ALK: variants seen among roughly 807,000 people sequenced by gnomAD.
ALK encodes the protein ALK tyrosine kinase receptor.
In ALK, 74 loss-of-function variants were observed where a neutral mutation model predicts 163.1. The observed-to-expected ratio is 0.45, with a 90% CI of 0.38 to 0.55. ALK has a LOEUF of 0.55. ALK is among the 20% of genes least tolerant of loss of function. The pLI, the probability that ALK is intolerant of heterozygous loss-of-function variation, is 0.00. For missense variants in ALK, 2,063 were observed against 2,105.3 expected (o/e 0.98, Z 0.39); for synonymous variants, 960 against 843.2 (o/e 1.14, Z -2.40).
At chr2:29,239,331 G>T (rs1208563266) in intron 13 of ALK, among the ~76,000 whole-genome samples, 1 of 152,164 alleles carries the variant, frequency 6.6e-6, no homozygotes, top group Non-Finnish European at 1.5e-5. Flanking sequence ...GGAGCTGGGG[G>T]TCCTGGGTGC....
intron 3 of ALK, among the ~76,000 whole-genome samples, chr2:29,559,519 A>G (rs2148181590): frequency 6.6e-6 from 1 of 152,318 alleles, no homozygotes; most frequent in African/African-American, 2.4e-5. Flanking sequence ...AATATTTGCC[A>G]TCAACTCTTA....
At chr2:29,717,501 C>A (rs1169747813) in intron 2 of ALK, 77 bp downstream of exon 2, 9 of 1,573,134 alleles carry the variant, frequency 5.7e-6, no homozygotes, top group Non-Finnish European at 7.9e-6. Flanking sequence ...CACTATGAAT[C>A]CCAAACTGAA....
intron 1 of ALK, among the ~76,000 whole-genome samples, chr2:29,817,403 A>G (rs566347351): frequency 6.6e-6 from 1 of 152,338 alleles, no homozygotes; most frequent in African/African-American, 2.4e-5. Flanking sequence ...CGTGACTGCA[A>G]GATGGCATCT....
At chr2:29,798,704 C>T (rs886475534) in intron 1 of ALK, among the ~76,000 whole-genome samples, 1 of 152,192 alleles carries the variant, frequency 6.6e-6, no homozygotes, top group African/African-American at 2.4e-5. Flanking sequence ...ATGATAATAA[C>T]CCAAAGAACT....
chr2:29,591,203 C>A (rs1232147100), intron 3 of ALK, among the ~76,000 whole-genome samples: 1 of 151,818 alleles, frequency 6.6e-6, no homozygotes, highest in Non-Finnish European at 1.5e-5. Flanking sequence ...CAACACAGTA[C>A]CCCCATATTA....
At chr2:29,820,713 TCTGACC>T (rs766987325) in intron 1 of ALK, among the ~76,000 whole-genome samples, 1 of 152,216 alleles carries the variant, frequency 6.6e-6, no homozygotes, top group Non-Finnish European at 1.5e-5. Context: ...AAGTGCTGGG[TCTGACC>T]CTGGCTTTGC....
At chr2:29,335,065 G>A (rs35069081) in intron 5 of ALK, among the ~76,000 whole-genome samples, 1 of 152,320 alleles carries the variant, frequency 6.6e-6, no homozygotes, top group East Asian at 1.9e-4. Flanking sequence ...GCAGAGCAAC[G>A]AGGAAGGGCA....
intron 1 of ALK, among the ~76,000 whole-genome samples, chr2:29,816,431 CTTA>C (rs944449397): frequency 3.9e-5 from 6 of 151,946 alleles, no homozygotes; most frequent in African/African-American, 4.8e-5. Flanking sequence ...TCCAATAGAC[CTTA>C]TTATTATTAT....
intron 4 of ALK, among the ~76,000 whole-genome samples, chr2:29,475,395 C>G (rs1235089333): frequency 6.6e-6 from 1 of 152,202 alleles, no homozygotes; most frequent in Non-Finnish European, 1.5e-5. Flanking sequence ...GGTGAACTCT[C>G]CTGCCCAAGG....
chr2:29,729,612 T>G (rs1679679139), intron 1 of ALK, among the ~76,000 whole-genome samples: 1 of 151,898 alleles, frequency 6.6e-6, no homozygotes, highest in African/African-American at 2.4e-5. Flanking sequence ...AAAGAGGAAA[T>G]TCAATGGCCC....
chr2:29,560,870 C>A (rs1311521199), intron 3 of ALK, among the ~76,000 whole-genome samples: 2 of 152,020 alleles, frequency 1.3e-5, no homozygotes, highest in Non-Finnish European at 2.9e-5. Flanking sequence ...CGGCACCCGG[C>A]CCAACTCTGT....
At chr2:29,607,728 C>T (rs1233948747) in intron 3 of ALK, among the ~76,000 whole-genome samples, 1 of 152,110 alleles carries the variant, frequency 6.6e-6, no homozygotes, top group African/African-American at 2.4e-5. Flanking sequence ...GTACGGGTTC[C>T]TCTCACCTCC....
intron 11 of ALK, among the ~76,000 whole-genome samples, chr2:29,251,531 T>C (rs1315707081): frequency 2.6e-5 from 4 of 152,120 alleles, no homozygotes; most frequent in African/African-American, 2.4e-5. Flanking sequence ...CAGGCTACTA[T>C]GAGAGACCCA....
chr2:29,544,951 CAATTAGAAGCA>C (rs1448052551), intron 3 of ALK, among the ~76,000 whole-genome samples: 1 of 152,174 alleles, frequency 6.6e-6, no homozygotes, highest in African/African-American at 2.4e-5. Flanking sequence ...GGTGGATCTG[CAATTAGAAGCA>C]AGGTTTCCAG....
intron 2 of ALK, among the ~76,000 whole-genome samples, chr2:29,698,102 T>C (rs1323654861): frequency 6.6e-6 from 1 of 152,218 alleles, no homozygotes; most frequent in Non-Finnish European, 1.5e-5. Flanking sequence ...CCTTTCACGA[T>C]TCAGACAACT....
chr2:29,403,709 C>CAAAAAAAAAAAA (rs67270103), intron 4 of ALK, among the ~76,000 whole-genome samples: 4 of 74,186 alleles, frequency 5.4e-5, no homozygotes, highest in African/African-American at 6.1e-5. Context: ...CAGGTCTCTA[C>CAAAAAAAAAAAA]AAAAAAAAAA....
chr2:29,764,210 T>C (rs1023278749), intron 1 of ALK, among the ~76,000 whole-genome samples: 1 of 152,172 alleles, frequency 6.6e-6, no homozygotes, highest in Non-Finnish European at 1.5e-5. Flanking sequence ...GCTGAGGCCC[T>C]GGGTTGACTG....
At chr2:29,701,069 C>T (rs576649167) in intron 2 of ALK, among the ~76,000 whole-genome samples, 1 of 152,320 alleles carries the variant, frequency 6.6e-6, no homozygotes, top group South Asian at 2.1e-4. Context: ...TAGGTTCCAG[C>T]TATTCTCCAT....
chr2:29,250,032 T>A (rs1403185208), intron 12 of ALK, among the ~76,000 whole-genome samples: 1 of 152,188 alleles, frequency 6.6e-6, no homozygotes, highest in East Asian at 1.9e-4. Flanking sequence ...ACAGGGCAAC[T>A]TGAGAAGTCC....
Sources: gnomAD v4.1 joint callset for allele counts (sites outside exome capture counted in the v4.1 genomes callset) on GRCh38, gnomAD v4.1.1 for gene constraint, MANE v1.5 for transcripts, NCBI Gene and HGNC (gene_info 2026-07-23, HGNC 2026-07-21) for gene names.